ABHD2: variants seen among roughly 807,000 people sequenced by gnomAD.
The protein encoded by ABHD2 is abhydrolase domain containing 2, acylglycerol lipase, also known as monoacylglycerol lipase ABHD2.
Under a neutral mutation model 48.1 loss-of-function variants are expected in ABHD2, and 20 were observed. The ratio of observed to expected loss-of-function variants is 0.42; its 90% CI spans 0.29 to 0.60. The LOEUF is 0.60. Ranked by LOEUF, ABHD2 falls within the 20% of genes least tolerant of loss-of-function variation. ABHD2 has a pLI of 0.24. For missense variants in ABHD2, 405 were observed against 550.9 expected, an observed-to-expected ratio of 0.74 and a Z score of 2.65; for synonymous variants, 209 against 214.2, an observed-to-expected ratio of 0.98 and a Z score of 0.21.
At chr15:89,052,210 G>A in the ABHD2 span, among the ~76,000 whole-genome samples, 1 of 152,142 alleles carries the variant, frequency 6.6e-6, no homozygotes, top group African/African-American at 2.4e-5. Flanking sequence ...TGTGGGGCTG[G>A]ACCTGCCCTA....
intron 3 of ABHD2, among the ~76,000 whole-genome samples, chr15:89,142,226 G>T (rs1206518074): frequency 6.6e-6 from 1 of 152,174 alleles, no homozygotes; most frequent in African/African-American, 2.4e-5. Context: ...TCACAAAATT[G>T]TCATTGAAGG....
chr15:89,075,681 C>A, the ABHD2 span, among the ~76,000 whole-genome samples: 2 of 152,130 alleles, frequency 1.3e-5, no homozygotes, highest in African/African-American at 4.8e-5. This position sits in a 1 kb window ranked among gnomAD's most constrained non-coding sequence, Gnocchi z 4.1. Context: ...TTGGTGAGAA[C>A]TGCTGTTTAG....
rs1433698825 is a variant in ABHD2 at position 89,104,666 on chromosome 15, C to G, written c.-106-9059C>G. On this transcript the variant is annotated intron_variant, in intron 1 of 10. Coordinates refer to ENST00000352732, the MANE Select transcript of ABHD2 (RefSeq NM_152924.5). This position sits in a 1 kb window ranked among gnomAD's most constrained non-coding sequence, Gnocchi z 4.4. ...TTGCAGGTCTGGGTGAAACTTTCTT[C>G]TTTGCCTGCCTTAGGGAGTTAGATG... is the stretch of plus-strand genomic sequence containing the variant. Among the ~76,000 whole-genome samples the G allele has an allele frequency of 6.6e-6, 1 of 152,354 alleles. No individual in the cohort carries two copies. The highest frequency in any genetic ancestry group is 1.5e-5 in the Non-Finnish European group (1 of 68,028).
chr15:89,175,851 A>G lies in ABHD2; in HGVS notation c.578A>G (p.Lys193Arg). Reference protein sequence around the residue: ...WEFGAMVNYIKKTYPLTQLVV... With the variant: ...WEFGAMVNYIRKTYPLTQLVV... The stretch of plus-strand genomic sequence containing the variant: ...TTTGGAGCCATGGTGAACTACATCA[A>G]GAAGACATATCCCCTGACCCAGCTG... Residue 193 changes from lysine to arginine, a missense_variant, in exon 6 of 11, where the codon AAG becomes AGG. Coordinates refer to ENST00000352732, the MANE Select transcript of ABHD2 (RefSeq NM_152924.5). The surrounding 1 kb of genome is among the most constrained non-coding windows in gnomAD (Gnocchi z 5.7). 1.9e-6 allele frequency: 3 copies of G among 1,614,080 alleles called. No individual in the cohort carries two copies. The highest frequency in any genetic ancestry group is 2.5e-6 in the Non-Finnish European group (3 of 1,180,012).
intron 3 of ABHD2, among the ~76,000 whole-genome samples, chr15:89,130,473 C>G (rs2050201585): frequency 1.3e-5 from 2 of 152,186 alleles, no homozygotes; most frequent in African/African-American, 2.4e-5. Context: ...GGAGATAATA[C>G]AGTCATGGGT....
chr15:89,105,141 C>A (rs2049763848), intron 1 of ABHD2, among the ~76,000 whole-genome samples: 1 of 152,182 alleles, frequency 6.6e-6, no homozygotes, highest in Non-Finnish European at 1.5e-5. Context: ...AAGTGCTTTA[C>A]CCATTCGTTC....
the ABHD2 span, among the ~76,000 whole-genome samples, chr15:89,042,686 G>A: frequency 1.3e-5 from 2 of 148,584 alleles, no homozygotes; most frequent in Non-Finnish European, 3.0e-5. Flanking sequence ...TTGCTCTGTC[G>A]CCCAGACTGG....
At position 89,177,745 on chromosome 15, in the gene ABHD2, G is replaced by T. The variant is rs909531542; in HGVS notation, c.722+1750G>T. Among the ~76,000 whole-genome samples the T allele has an allele frequency of 6.6e-6, 1 of 152,136 alleles. No homozygotes were observed. The highest frequency in any genetic ancestry group is 1.5e-5 in the Non-Finnish European group (1 of 68,040). ...TCCAACTCCCAGCTCATAGCCACGT[G>T]TAACCAGAATTAACCAAAGTCCTGT... On this transcript the variant is annotated intron_variant, in intron 6 of 10. Coordinates refer to ENST00000352732, the MANE Select transcript of ABHD2 (RefSeq NM_152924.5). The surrounding 1 kb of genome is among the most constrained non-coding windows in gnomAD (Gnocchi z 5.6).
At position 89,174,804 on chromosome 15, in the gene ABHD2, C is replaced by T. The variant is rs188212065; in HGVS notation, c.539-1008C>T. ...TAGAAGGATGTGATGAATCCCTTCA[C>T]TTGTAATATGGCCATTCACCTCCTC... On this transcript the variant is annotated intron_variant, in intron 5 of 10. Coordinates refer to ENST00000352732, the MANE Select transcript of ABHD2 (RefSeq NM_152924.5). This position sits in a 1 kb window ranked among gnomAD's most constrained non-coding sequence, Gnocchi z 4.1. Among the ~76,000 whole-genome samples the T allele has an allele frequency of 6.6e-6, 1 of 152,308 alleles. No individual in the cohort carries two copies. The highest frequency in any genetic ancestry group is 6.5e-5 in the Admixed American group (1 of 15,298).
rs139838091 is a variant in ABHD2 at position 89,091,114 on chromosome 15, T to C, written c.-107+2551T>C. ...CTCATTTTAGTCAGGGTCGTTCACT[T>C]TTTTCCCTTTTTACTCTCACCTTCA... On this transcript the variant is annotated intron_variant, in intron 1 of 10. Coordinates refer to ENST00000352732, the MANE Select transcript of ABHD2 (RefSeq NM_152924.5). The surrounding 1 kb of genome is among the most constrained non-coding windows in gnomAD (Gnocchi z 5.5). 1.3e-5 allele frequency among the ~76,000 whole-genome samples: 2 copies of C among 152,274 alleles called. No individual in the cohort carries two copies. Among genetic ancestry groups the C allele is most frequent in the East Asian group, 3.9e-4 (2 of 5,190 alleles).
chr15:89,110,164 A>G (rs1255255660), intron 1 of ABHD2, among the ~76,000 whole-genome samples: 1 of 151,880 alleles, frequency 6.6e-6, no homozygotes, highest in African/African-American at 2.4e-5. Flanking sequence ...TCCACCTCTC[A>G]GGTTCAAGTG....
Position 89,195,522 on chromosome 15 carries a change from T to A in ABHD2, c.*99T>A. On this transcript the variant is annotated 3_prime_UTR_variant, in exon 11 of 11. Coordinates refer to ENST00000352732, the MANE Select transcript of ABHD2 (RefSeq NM_152924.5). The surrounding 1 kb of genome is among the most constrained non-coding windows in gnomAD (Gnocchi z 5.1). ...CCCATCTCCCTCAGTGACCTGGATC[T>A]GACCTCACACCATCAGCAGGGGGCA... 2 of 1,336,094 alleles carry A rather than the reference T, an allele frequency of 1.5e-6. No homozygotes were observed. Among genetic ancestry groups the A allele is most frequent in the Non-Finnish European group, 2.0e-6 (2 of 990,818 alleles). The allele number at this position is 1,336,094 out of a possible 1,614,324, so 82.8% of individuals were successfully genotyped here.
At chr15:89,082,037 C>G in the ABHD2 span, among the ~76,000 whole-genome samples, 2 of 152,004 alleles carry the variant, frequency 1.3e-5, no homozygotes, top group Admixed American at 6.6e-5. This position sits in a 1 kb window ranked among gnomAD's most constrained non-coding sequence, Gnocchi z 4.4. Flanking sequence ...GTCCTGGGCA[C>G]TGGAGGGTGG....
At chr15:89,119,493 T>C (rs1290432180) in intron 3 of ABHD2, among the ~76,000 whole-genome samples, 2 of 152,232 alleles carry the variant, frequency 1.3e-5, no homozygotes, top group Admixed American at 1.3e-4. Context: ...ATTTGTTGAG[T>C]ACCTTTCATA....
the ABHD2 span, among the ~76,000 whole-genome samples, chr15:89,081,495 T>G: frequency 6.6e-6 from 1 of 152,194 alleles, no homozygotes; most frequent in Admixed American, 6.5e-5. Flanking sequence ...GTCTGCATTG[T>G]GGGTGATACA....
rs780667590 is a variant in ABHD2, at chr15:89,116,278, C to T, written c.-6-44C>T. ...CTGTAGGGTGGTGGGCACCACCCGTCCTCACTGTGCTTGTAAACTTAGACC... is the reference window on the plus strand; with the variant it reads ...CTGTAGGGTGGTGGGCACCACCCGTTCTCACTGTGCTTGTAAACTTAGACC... On this transcript the variant is annotated intron_variant, in intron 2 of 10. Coordinates refer to ENST00000352732, the MANE Select transcript of ABHD2 (RefSeq NM_152924.5). The surrounding 1 kb of genome is among the most constrained non-coding windows in gnomAD (Gnocchi z 4.6). 6 of 1,569,736 alleles carry T rather than the reference C, an allele frequency of 3.8e-6. No homozygotes were observed. Among genetic ancestry groups the T allele is most frequent in the South Asian group, 1.2e-5 (1 of 85,158 alleles).
rs1472389173 is a variant in ABHD2 at position 89,179,454 on chromosome 15, G to T, written c.722+3459G>T. On this transcript the variant is annotated intron_variant, in intron 6 of 10. Coordinates refer to ENST00000352732, the MANE Select transcript of ABHD2 (RefSeq NM_152924.5). The surrounding 1 kb of genome is among the most constrained non-coding windows in gnomAD (Gnocchi z 4.3). Reference sequence around the variant, plus strand: ...TTGTGAACTGCGCATGTGAGGGATAGTTTGCATCTTCTTATGAGAATCTAA... The same window carrying T: ...TTGTGAACTGCGCATGTGAGGGATATTTTGCATCTTCTTATGAGAATCTAA... 6.6e-6 allele frequency among the ~76,000 whole-genome samples: 1 copy of T among 152,174 alleles called. No homozygotes were observed. The highest frequency in any genetic ancestry group is 1.5e-5 in the Non-Finnish European group (1 of 68,028).
At chr15:89,041,584 T>C in the ABHD2 span, among the ~76,000 whole-genome samples, 1 of 152,216 alleles carries the variant, frequency 6.6e-6, no homozygotes, top group Non-Finnish European at 1.5e-5. Flanking sequence ...GGCTATTCAT[T>C]GGCTGGAAGA....
intron 3 of ABHD2, among the ~76,000 whole-genome samples, chr15:89,119,546 A>G (rs1199945914): frequency 1.3e-5 from 2 of 152,120 alleles, no homozygotes; most frequent in African/African-American, 4.8e-5. Context: ...GGTTGGATTC[A>G]TTTTTCCTTT....
Sources: gnomAD v4.1 joint callset for allele counts (sites outside exome capture counted in the v4.1 genomes callset) on GRCh38, gnomAD v4.1.1 for gene constraint, Gnocchi (gnomAD v3.1) non-coding constraint, MANE v1.5 for transcripts, NCBI Gene and HGNC (gene_info 2026-07-23, HGNC 2026-07-21) for gene names.